The following C12orf42 variants were observed in gnomAD, a reference collection of about 807,000 sequenced individuals.
The protein encoded by C12orf42 is uncharacterized protein C12orf42.
C12orf42 carries 25 observed loss-of-function variants against 21.6 expected under a neutral mutation model. The ratio of observed to expected loss-of-function variants is 1.16; its 90% confidence interval spans 0.84 to 1.62. C12orf42 has a LOEUF of 1.62. C12orf42 is among the 40% of genes most tolerant of loss of function. The pLI is 0.00. For missense variants in C12orf42, 483 were observed against 459.3 expected (o/e 1.05, Z -0.47); for synonymous variants, 174 against 175.0 (o/e 0.99, Z 0.05).
rs567843269 is a variant in C12orf42 at position 103,308,341 on chromosome 12, C to A, written c.260-1996G>T. ...AAAAACTGGAAGAAAATCAAATTAA[C>A]AGTTGTTTCTCAGAGGTATAATTCA... On this transcript the variant is annotated intron_variant, in intron 4 of 5. Transcript: ENST00000548883. 1.2e-3 allele frequency among the ~76,000 whole-genome samples: 185 copies of A among 152,264 alleles called. 1 individual carries two copies. Among genetic ancestry groups the A allele is most frequent in the African/African-American group, 4.3e-3 (180 of 41,536 alleles).
the C12orf42 span, among the ~76,000 whole-genome samples, chr12:103,208,461 G>C: frequency 8.5e-5 from 13 of 152,102 alleles, no homozygotes; most frequent in African/African-American, 3.1e-4. Flanking sequence ...ACAAAGTTTT[G>C]AGCCCCACAA....
chr12:103,417,415 T>C (rs1260161935), intron 2 of C12orf42, among the ~76,000 whole-genome samples: 1 of 152,226 alleles, frequency 6.6e-6, no homozygotes, highest in Non-Finnish European at 1.5e-5. Flanking sequence ...AGGTTCTTCA[T>C]ACTCCTCCAT....
At chr12:103,193,744 G>T in the C12orf42 span, among the ~76,000 whole-genome samples, 1 of 152,120 alleles carries the variant, frequency 6.6e-6, no homozygotes, top group Non-Finnish European at 1.5e-5. Context: ...AGGCTTTACA[G>T]GTGAATTCTA....
chr12:103,091,090 T>G, the C12orf42 span, among the ~76,000 whole-genome samples: 2 of 152,170 alleles, frequency 1.3e-5, no homozygotes, highest in African/African-American at 4.8e-5. Flanking sequence ...TAAGAATTTT[T>G]GAATCTATAG....
intron 2 of C12orf42, among the ~76,000 whole-genome samples, chr12:103,444,738 TTCTTTA>T (rs1165530929): frequency 6.6e-6 from 1 of 152,100 alleles, no homozygotes; most frequent in African/African-American, 2.4e-5. Flanking sequence ...AGTTCTCTTC[TTCTTTA>T]TAAGTTTTTG....
intron 2 of C12orf42, among the ~76,000 whole-genome samples, chr12:103,468,383 T>C (rs1953310858): frequency 6.6e-6 from 1 of 152,236 alleles, no homozygotes; most frequent in Non-Finnish European, 1.5e-5. Context: ...ACTGGGTGTG[T>C]ATCGTCTAAG....
chr12:103,152,405 A>G, the C12orf42 span, among the ~76,000 whole-genome samples: 1 of 152,232 alleles, frequency 6.6e-6, no homozygotes, highest in Non-Finnish European at 1.5e-5. Context: ...AATGGCAAAT[A>G]TTGCAGACCT....
At chr12:103,185,520 C>T in the C12orf42 span, among the ~76,000 whole-genome samples, 1 of 151,190 alleles carries the variant, frequency 6.6e-6, no homozygotes, top group Non-Finnish European at 1.5e-5. Flanking sequence ...TCCTTCTTTC[C>T]TTCTTTTTTC....
At chr12:103,383,132 T>C (rs1385947446) in intron 3 of C12orf42, among the ~76,000 whole-genome samples, 3 of 152,120 alleles carry the variant, frequency 2.0e-5, no homozygotes, top group Non-Finnish European at 4.4e-5. Context: ...CTTTTTTTTT[T>C]TTTCTTTTTT....
chr12:103,496,491 A>G (rs1030629754), upstream of C12orf42, among the ~76,000 whole-genome samples: 3 of 152,036 alleles, frequency 2.0e-5, no homozygotes, highest in East Asian at 5.8e-4. Flanking sequence ...TCTCTATCCC[A>G]CCTCCGACTG....
the C12orf42 span, among the ~76,000 whole-genome samples, chr12:103,089,575 G>A: frequency 6.6e-6 from 1 of 151,882 alleles, no homozygotes; most frequent in African/African-American, 2.4e-5. Flanking sequence ...CTTCACATGA[G>A]GTGGGTGTAC....
chr12:103,504,787 G>T, the C12orf42 span: 2,953 of 154,002 alleles, frequency 0.019, 27 homozygotes, highest in Non-Finnish European at 0.03. Flanking sequence ...AGACATGCTG[G>T]GGGGTACTGG....
intron 4 of C12orf42, among the ~76,000 whole-genome samples, chr12:103,307,106 A>T (rs2038422680): frequency 6.6e-6 from 1 of 152,146 alleles, no homozygotes; most frequent in Non-Finnish European, 1.5e-5. Flanking sequence ...GAGAGAATAC[A>T]TTTCTGTTTT....
chr12:103,414,007 C>T (rs1411307145), intron 2 of C12orf42, among the ~76,000 whole-genome samples: 1 of 152,128 alleles, frequency 6.6e-6, no homozygotes, highest in Non-Finnish European at 1.5e-5. Flanking sequence ...TGGGTAGATA[C>T]TCAGTAGTGG....
At chr12:103,118,763 A>G in the C12orf42 span, among the ~76,000 whole-genome samples, 2 of 112,072 alleles carry the variant, frequency 1.8e-5, no homozygotes, top group South Asian at 3.3e-4. Context: ...GCGCCATTGC[A>G]CTCCAGCCTA....
chr12:103,351,959 T>G (rs1478099521), intron 4 of C12orf42, among the ~76,000 whole-genome samples: 1 of 151,350 alleles, frequency 6.6e-6, no homozygotes, highest in Non-Finnish European at 1.5e-5. Flanking sequence ...CCTCTCTTTC[T>G]CCCCCATCAC....
the C12orf42 span, among the ~76,000 whole-genome samples, chr12:103,116,866 A>C: frequency 1.3e-5 from 2 of 152,202 alleles, no homozygotes; most frequent in African/African-American, 4.8e-5. Context: ...ACCAGATTCA[A>C]ATCTAGGTTT....
At chr12:103,471,868 G>A (rs1371563186) in intron 2 of C12orf42, 3 of 152,052 alleles carry the variant, frequency 2.0e-5, no homozygotes, top group Non-Finnish European at 2.9e-5. Context: ...AGTAACCCAC[G>A]AAATCGATTG....
chr12:103,563,094 G>A, the C12orf42 span, among the ~76,000 whole-genome samples: 6 of 152,210 alleles, frequency 3.9e-5, no homozygotes, highest in African/African-American at 1.4e-4. Flanking sequence ...GGCTTCTAGT[G>A]TACCAAGTTT....
Sources: gnomAD v4.1 joint callset for allele counts (sites outside exome capture counted in the v4.1 genomes callset) on GRCh38, gnomAD v4.1.1 for gene constraint, MANE v1.5 for transcripts, NCBI Gene and HGNC (gene_info 2026-07-23, HGNC 2026-07-21) for gene names.